Variants in EDIL3 observed in about 807,000 individuals in gnomAD.
The protein encoded by EDIL3 is EGF-like repeat and discoidin I-like domain-containing protein 3.
EDIL3 carries 37 observed loss-of-function variants against 67.4 expected under a neutral mutation model. That is an observed-to-expected ratio of 0.55 (90% CI 0.42 to 0.72). EDIL3 has a LOEUF of 0.72. EDIL3 is among the 30% of genes least tolerant of loss of function. The pLI is 0.00. For missense variants in EDIL3, 527 were observed against 586.3 expected (o/e 0.90, Z 1.04); for synonymous variants, 195 against 196.3 (o/e 0.99, Z 0.05).
intron 1 of EDIL3, among the ~76,000 whole-genome samples, chr5:84,315,535 T>C (rs1746492393): frequency 6.6e-6 from 1 of 152,202 alleles, no homozygotes; most frequent in South Asian, 2.1e-4. Context: ...AGCGTATCAG[T>C]GAAACTGAAC....
At chr5:84,358,915 A>G (rs553058181) in intron 1 of EDIL3, among the ~76,000 whole-genome samples, 2 of 152,160 alleles carry the variant, frequency 1.3e-5, no homozygotes, top group South Asian at 2.1e-4. Flanking sequence ...CAGCTATCCT[A>G]TGGTTTTAAA....
chr5:84,132,329 AAT>A (rs1355070665), intron 5 of EDIL3, among the ~76,000 whole-genome samples: 26 of 74,808 alleles, frequency 3.5e-4, no homozygotes, highest in Non-Finnish European at 5.4e-4. Flanking sequence ...TATTTTATAT[AAT>A]ATATATTATA....
chr5:84,162,031 C>A (rs1174158596), intron 4 of EDIL3, among the ~76,000 whole-genome samples: 1 of 152,072 alleles, frequency 6.6e-6, no homozygotes, highest in African/African-American at 2.4e-5. Flanking sequence ...CTTTCCCAAG[C>A]AGTAATCAGA....
intron 6 of EDIL3, among the ~76,000 whole-genome samples, chr5:84,094,125 C>A (rs995597111): frequency 1.3e-5 from 2 of 152,146 alleles, no homozygotes; most frequent in Admixed American, 1.3e-4. Context: ...TAATTTCAGA[C>A]AAAACATACT....
intron 9 of EDIL3, among the ~76,000 whole-genome samples, chr5:84,016,744 T>C (rs935830572): frequency 6.6e-6 from 1 of 152,182 alleles, no homozygotes; most frequent in Non-Finnish European, 1.5e-5. Context: ...TTTCAATACA[T>C]ATATATGTAA....
intron 3 of EDIL3, among the ~76,000 whole-genome samples, 199 bp downstream of exon 3, chr5:84,229,656 C>T (rs1249032636): frequency 6.6e-6 from 1 of 151,898 alleles, no homozygotes; most frequent in Non-Finnish European, 1.5e-5. Flanking sequence ...GACTTTTCTC[C>T]TTTTATTCAA....
intron 9 of EDIL3, among the ~76,000 whole-genome samples, chr5:84,024,890 T>C (rs1441632970): frequency 6.6e-6 from 1 of 151,986 alleles, no homozygotes; most frequent in Non-Finnish European, 1.5e-5. Context: ...CTGACAAAAT[T>C]TGGGGCATTA....
At chr5:84,378,019 G>A (rs532742904) in intron 1 of EDIL3, among the ~76,000 whole-genome samples, 134 of 152,192 alleles carry the variant, frequency 8.8e-4, no homozygotes, top group African/African-American at 3.1e-3. Context: ...CCAAATAATT[G>A]CAGGACATTT....
At chr5:84,187,323 T>C (rs1032388364) in intron 3 of EDIL3, among the ~76,000 whole-genome samples, 1 of 152,228 alleles carries the variant, frequency 6.6e-6, no homozygotes, top group Middle Eastern at 3.4e-3. Context: ...GAGTTAGAGT[T>C]ATTTCCATAT....
chr5:84,091,600 A>C (rs1159870277), intron 6 of EDIL3, among the ~76,000 whole-genome samples: 1 of 152,242 alleles, frequency 6.6e-6, no homozygotes, highest in Non-Finnish European at 1.5e-5. Flanking sequence ...GCACTGGGGC[A>C]GAACAAATTT....
intron 1 of EDIL3, among the ~76,000 whole-genome samples, chr5:84,266,309 C>G (rs1387423388): frequency 6.6e-6 from 1 of 152,144 alleles, no homozygotes; most frequent in African/African-American, 2.4e-5. Flanking sequence ...TTGGTCCCAT[C>G]AGATCCTTTC....
At chr5:83,957,049 T>G (rs1744528457) in intron 10 of EDIL3, among the ~76,000 whole-genome samples, 1 of 151,778 alleles carries the variant, frequency 6.6e-6, no homozygotes, top group African/African-American at 2.4e-5. Flanking sequence ...CACTTGCTAT[T>G]ACTGAATCCT....
At chr5:84,037,897 A>G (rs1162322710) in intron 9 of EDIL3, among the ~76,000 whole-genome samples, 1 of 151,872 alleles carries the variant, frequency 6.6e-6, no homozygotes, top group Non-Finnish European at 1.5e-5. Context: ...GTATGATCTG[A>G]CAGATGGATT....
chr5:84,224,457 T>C (rs543109759), intron 3 of EDIL3, among the ~76,000 whole-genome samples: 21 of 151,582 alleles, frequency 1.4e-4, no homozygotes, highest in African/African-American at 5.1e-4. Context: ...GTCTTTTTTT[T>C]CCAAGGGACA....
intron 1 of EDIL3, among the ~76,000 whole-genome samples, chr5:84,317,764 G>A (rs1021007729): frequency 6.6e-6 from 1 of 152,130 alleles, no homozygotes; most frequent in Non-Finnish European, 1.5e-5. Context: ...AGACAAGGAT[G>A]CCCTCTCTCA....
intron 2 of EDIL3, among the ~76,000 whole-genome samples, chr5:84,252,459 AC>A (rs1363070515): frequency 7.4e-6 from 1 of 134,624 alleles, no homozygotes; most frequent in East Asian, 2.4e-4. Context: ...GTGCCAGTGC[AC>A]CCCAGCCTGT....
intron 9 of EDIL3, among the ~76,000 whole-genome samples, chr5:83,974,261 G>C (rs979800418): frequency 6.6e-6 from 1 of 151,640 alleles, no homozygotes; most frequent in Non-Finnish European, 1.5e-5. Context: ...AAGGGGCATG[G>C]CCTCTTAGAA....
chr5:84,062,300 C>G (rs1379290764), intron 8 of EDIL3, among the ~76,000 whole-genome samples: 1 of 152,026 alleles, frequency 6.6e-6, no homozygotes, highest in Non-Finnish European at 1.5e-5. Context: ...CTGACTTGTT[C>G]TTTTATCCCC....
chr5:84,312,324 G>T (rs1447193296), intron 1 of EDIL3, among the ~76,000 whole-genome samples: 1 of 140,708 alleles, frequency 7.1e-6, no homozygotes, highest in South Asian at 2.3e-4. Flanking sequence ...GCGGCTGGCC[G>T]GGTGGGGGGC....
Sources: gnomAD v4.1 joint callset for allele counts (sites outside exome capture counted in the v4.1 genomes callset) on GRCh38, gnomAD v4.1.1 for gene constraint, MANE v1.5 for transcripts, NCBI Gene and HGNC (gene_info 2026-07-23, HGNC 2026-07-21) for gene names.